GALNT18: variants seen among roughly 807,000 people sequenced by gnomAD.
The protein encoded by GALNT18 is polypeptide N-acetylgalactosaminyltransferase 18.
In GALNT18, 44 loss-of-function variants were observed where a neutral mutation model predicts 69.5. The ratio of observed to expected loss-of-function variants is 0.63; its 90% CI spans 0.50 to 0.81. GALNT18 has a LOEUF of 0.81. Ranked by LOEUF, GALNT18 falls within the 40% of genes least tolerant of loss-of-function variation. The pLI is 0.00. For missense variants in GALNT18, 715 were observed against 810.0 expected (o/e 0.88, Z 1.42); for synonymous variants, 364 against 318.2 (o/e 1.14, Z -1.53).
intron 1 of GALNT18, among the ~76,000 whole-genome samples, chr11:11,593,332 G>A (rs752021874): frequency 1.3e-5 from 2 of 152,056 alleles, no homozygotes; most frequent in Non-Finnish European, 2.9e-5. Context: ...TGGAATAGAG[G>A]GTCTCAAGCC....
rs1419857243 is a variant in GALNT18 at position 11,620,439 on chromosome 11, A to C, written c.235+920T>G. Among the ~76,000 whole-genome samples, 1 of 151,976 alleles carries C rather than the reference A, an allele frequency of 6.6e-6. No individual in the cohort carries two copies. The highest frequency in any genetic ancestry group is 2.4e-5 in the African/African-American group (1 of 41,390). The stretch of plus-strand genomic sequence containing the variant: ...AGGTCGCCTCGGGAGAGCGCCCTGC[A>C]ACCCCCACCCTCCCTTTGGACCCCC... On this transcript the variant is annotated intron_variant, in intron 1 of 10. Transcript: ENST00000227756. This position sits in a 1 kb window ranked among gnomAD's most constrained non-coding sequence, Gnocchi z 6.9.
At position 11,459,995 on chromosome 11, in the gene GALNT18, G is replaced by A. The variant is rs536483981; in HGVS notation, c.236-11059C>T. Among the ~76,000 whole-genome samples, 3 of 151,984 alleles carry A rather than the reference G, an allele frequency of 2.0e-5. No homozygotes were observed. Among genetic ancestry groups the A allele is most frequent in the African/African-American group, 2.4e-5 (1 of 41,364 alleles). On this transcript the variant is annotated intron_variant, in intron 1 of 10. Transcript: ENST00000227756. This position sits in a 1 kb window ranked among gnomAD's most constrained non-coding sequence, Gnocchi z 5.0. The stretch of plus-strand genomic sequence containing the variant: ...TCCTTGGCTTATGGCCTCTTCCTCC[G>A]TCTTCAAAGCCCACCACAGTGGGTC...
intron 10 of GALNT18, among the ~76,000 whole-genome samples, chr11:11,272,963 C>G (rs1051347015): frequency 6.6e-6 from 1 of 152,060 alleles, no homozygotes; most frequent in Non-Finnish European, 1.5e-5. Context: ...ACAGTCTTTT[C>G]AATAAATTGC....
chr11:11,334,765 C>T (rs998712339), intron 7 of GALNT18, among the ~76,000 whole-genome samples: 2 of 152,154 alleles, frequency 1.3e-5, no homozygotes, highest in Non-Finnish European at 2.9e-5. Flanking sequence ...AACTGTTATC[C>T]TAGCCTTTCT....
chr11:11,377,133 T>C lies in GALNT18; in HGVS notation c.977+49A>G, dbSNP rs1436303174. ...AAGCATTGGACCAGTAGGCGGTCCCTAGCCTGGAGGTCAAAGCGGAGAGAC... is the reference window on the plus strand; with the variant it reads ...AAGCATTGGACCAGTAGGCGGTCCCCAGCCTGGAGGTCAAAGCGGAGAGAC... On this transcript the variant is annotated intron_variant, in intron 5 of 10. Coordinates refer to ENST00000227756, the MANE Select transcript of GALNT18 (RefSeq NM_198516.3). This position sits in a 1 kb window ranked among gnomAD's most constrained non-coding sequence, Gnocchi z 4.6. 8 of 1,571,314 alleles carry C rather than the reference T, an allele frequency of 5.1e-6. No homozygotes were observed. Among genetic ancestry groups the C allele is most frequent in the Admixed American group, 5.0e-5 (3 of 59,620 alleles).
chr11:11,423,124 A>T (rs1855049401), intron 3 of GALNT18, among the ~76,000 whole-genome samples: 1 of 152,158 alleles, frequency 6.6e-6, no homozygotes. Context: ...ACAGACACAC[A>T]ATACACACAC....
chr11:11,405,063 G>C lies in GALNT18; in HGVS notation c.596-25799C>G, dbSNP rs1854559231. Among the ~76,000 whole-genome samples, 3 of 152,196 alleles carry C rather than the reference G, an allele frequency of 2.0e-5. No homozygotes were observed. The South Asian group carries it at 6.2e-4, about 32-fold the overall frequency. ...TGGCCAGACACCTTCTTGTACCTTA[G>C]AGAAGTCAGACTCAGTTACCTGACA... On this transcript the variant is annotated intron_variant, in intron 3 of 10. Transcript: ENST00000227756.
chr11:11,530,106 G>C (rs1457831931), intron 1 of GALNT18, among the ~76,000 whole-genome samples: 1 of 152,090 alleles, frequency 6.6e-6, no homozygotes, highest in African/African-American at 2.4e-5. Flanking sequence ...CCCAACACAG[G>C]CTCATTCACA....
chr11:11,409,280 C>T (rs1408837241), intron 3 of GALNT18, among the ~76,000 whole-genome samples: 1 of 152,082 alleles, frequency 6.6e-6, no homozygotes, highest in African/African-American at 2.4e-5. Context: ...GGGAAGGAAA[C>T]TCAGTCAGTG....
chr11:11,405,243 T>G (rs567058129), intron 3 of GALNT18, among the ~76,000 whole-genome samples: 1 of 152,272 alleles, frequency 6.6e-6, no homozygotes, highest in African/African-American at 2.4e-5. Context: ...TCCCTTAGTT[T>G]TAGATTTCTA....
At position 11,448,859 on chromosome 11, in the gene GALNT18, G is replaced by T; in HGVS notation, c.313C>A (p.Leu105Ile). The change falls in exon 2 of 11, where the codon CTC becomes ATC. Residue 105 changes from leucine to isoleucine, a missense_variant. Coordinates refer to ENST00000227756, the MANE Select transcript of GALNT18 (RefSeq NM_198516.3). The stretch of plus-strand genomic sequence containing the variant: ...GCCACGCGCCGGCCTTCGGGGCTGA[G>T]CTCCTGGCCCCAGTGTGCAAACAGA... Reference protein sequence around the residue: ...SSLFAHWGQELSPEGRRVALK... With the variant: ...SSLFAHWGQEISPEGRRVALK... The T allele has an allele frequency of 1.9e-6, 3 of 1,609,902 alleles. No homozygotes were observed. Among genetic ancestry groups the T allele is most frequent in the Non-Finnish European group, 2.5e-6 (3 of 1,178,214 alleles).
chr11:11,448,272 G>A (rs929005989), intron 2 of GALNT18, among the ~76,000 whole-genome samples: 1 of 152,110 alleles, frequency 6.6e-6, no homozygotes, highest in African/African-American at 2.4e-5. Flanking sequence ...TCAATAATTG[G>A]GAGTAGTAAG....
intron 1 of GALNT18, among the ~76,000 whole-genome samples, chr11:11,515,710 C>T (rs1260580965): frequency 6.6e-6 from 1 of 152,222 alleles, no homozygotes; most frequent in Non-Finnish European, 1.5e-5. Flanking sequence ...GAAACCTAAC[C>T]AAAGACCTGA....
At chr11:11,437,131 G>A (rs1427569640) in intron 2 of GALNT18, among the ~76,000 whole-genome samples, 2 of 152,284 alleles carry the variant, frequency 1.3e-5, no homozygotes, top group East Asian at 3.9e-4. Context: ...CTGCAGAGAA[G>A]GGCTGAGGAC....
intron 8 of GALNT18, among the ~76,000 whole-genome samples, chr11:11,330,153 C>A (rs540354420): frequency 2.4e-4 from 36 of 152,112 alleles, no homozygotes; most frequent in Non-Finnish European, 3.8e-4. Flanking sequence ...CTGCAGGAGT[C>A]ATTAATGGGA....
chr11:11,520,039 C>T (rs948117167), intron 1 of GALNT18, among the ~76,000 whole-genome samples: 12 of 152,202 alleles, frequency 7.9e-5, no homozygotes, highest in African/African-American at 2.2e-4. Context: ...GTGCAAACAG[C>T]TGGCACTGGG....
intron 1 of GALNT18, among the ~76,000 whole-genome samples, chr11:11,488,850 A>C (rs982223624): frequency 6.6e-6 from 1 of 152,224 alleles, no homozygotes; most frequent in Non-Finnish European, 1.5e-5. Context: ...GTAAGGTCCA[A>C]AGATGGCCCA....
At chr11:11,361,341 C>T (rs1156305242) in intron 6 of GALNT18, among the ~76,000 whole-genome samples, 1 of 152,174 alleles carries the variant, frequency 6.6e-6, no homozygotes, top group East Asian at 1.9e-4. Context: ...CAAGTTATAT[C>T]ACCTCTCTCT....
chr11:11,558,022 G>T, intron 1 of GALNT18, among the ~76,000 whole-genome samples: 1 of 152,194 alleles, frequency 6.6e-6, no homozygotes, highest in East Asian at 1.9e-4. Flanking sequence ...GTGAGGCAGG[G>T]GTGGATGGGC....
Sources: allele counts gnomAD v4.1 joint callset (sites outside exome capture counted in the v4.1 genomes callset), GRCh38; gene constraint gnomAD v4.1.1; non-coding constraint Gnocchi (gnomAD v3.1); transcripts MANE v1.5; gene names NCBI Gene and HGNC (gene_info 2026-07-23, HGNC 2026-07-21).